The following SNTG2 variants were observed in gnomAD, a reference collection of about 807,000 sequenced individuals.
SNTG2 encodes the protein syntrophin gamma 2.
SNTG2 carries 74 observed loss-of-function variants against 70.9 expected under a neutral mutation model. That is an observed-to-expected ratio of 1.04 (90% CI 0.86 to 1.27). The LOEUF (loss-of-function observed/expected upper bound fraction) is 1.27. Ranked by LOEUF, SNTG2 falls within the 50% of genes most tolerant of loss-of-function variation. The pLI is 0.00. For synonymous variants in SNTG2, 278 were observed against 273.8 expected, an observed-to-expected ratio of 1.02 and a Z score of -0.15; for missense variants, 717 against 690.7, an observed-to-expected ratio of 1.04 and a Z score of -0.43.
chr2:1,230,305 C>T (rs374862722), intron 9 of SNTG2, among the ~76,000 whole-genome samples: 15 of 152,268 alleles, frequency 9.9e-5, no homozygotes, highest in Middle Eastern at 3.4e-3. Context: ...AAACAGATGG[C>T]GCGGGCAGCC....
At chr2:1,224,357 A>AT (rs1675614815) in intron 9 of SNTG2, among the ~76,000 whole-genome samples, 2 of 152,140 alleles carry the variant, frequency 1.3e-5, no homozygotes, top group South Asian at 2.1e-4. Flanking sequence ...ATTTAATTTC[A>AT]TTTTTTCTTC....
chr2:1,314,975 A>G (rs9752609), intron 15 of SNTG2, among the ~76,000 whole-genome samples: 7 of 152,184 alleles, frequency 4.6e-5, no homozygotes, highest in Non-Finnish European at 1.0e-4. Flanking sequence ...TAACAATTCA[A>G]GATGAGATTT....
chr2:1,085,210 C>T (rs4971433), intron 2 of SNTG2, among the ~76,000 whole-genome samples: 1 of 152,128 alleles, frequency 6.6e-6, no homozygotes, highest in African/African-American at 2.4e-5. Flanking sequence ...ATCAAGGAAG[C>T]TTTCGTAATC....
In SNTG2 at chr2:1,321,002, G is replaced by C. The variant is rs1177664102; in HGVS notation, c.1488+4627G>C. 5.3e-5 allele frequency among the ~76,000 whole-genome samples: 8 copies of C among 152,184 alleles called. No individual in the cohort carries two copies. The East Asian group carries it at 1.5e-3, about 29-fold the overall frequency. The stretch of plus-strand genomic sequence containing the variant: ...ATTCAGCATGAGGGTCAGCACATAT[G>C]TACACTTAAATGTTTTAAATGAATA... On this transcript the variant is annotated intron_variant, in intron 16 of 16. Transcript: ENST00000308624.
At chr2:1,081,928 G>A (rs936717686) in intron 1 of SNTG2, among the ~76,000 whole-genome samples, 13 of 152,258 alleles carry the variant, frequency 8.5e-5, no homozygotes, top group African/African-American at 3.1e-4. Flanking sequence ...GTGTGTGTGA[G>A]CACAGTCCTG....
chr2:1,169,303 G>A (rs542768984), intron 7 of SNTG2, among the ~76,000 whole-genome samples: 16 of 152,218 alleles, frequency 1.1e-4, no homozygotes, highest in Non-Finnish European at 2.2e-4. Flanking sequence ...CTAAGTGGGG[G>A]TGGGAGGCAG....
chr2:1,011,057 A>C (rs1029882948), intron 1 of SNTG2, among the ~76,000 whole-genome samples: 1 of 152,254 alleles, frequency 6.6e-6, no homozygotes, highest in Non-Finnish European at 1.5e-5. Flanking sequence ...GGCCTTTCTC[A>C]GTGCTCTGAT....
intron 6 of SNTG2, among the ~76,000 whole-genome samples, chr2:1,162,759 GT>G (rs1203945496): frequency 6.6e-6 from 1 of 151,370 alleles, no homozygotes; most frequent in Non-Finnish European, 1.5e-5. Context: ...AGCTTTGGTA[GT>G]TTTCTCCAGG....
chr2:1,100,399 C>T (rs1415483689), intron 4 of SNTG2, among the ~76,000 whole-genome samples: 1 of 152,224 alleles, frequency 6.6e-6, no homozygotes, highest in Non-Finnish European at 1.5e-5. Context: ...CCTGCCTCCG[C>T]CTCCCAAAGT....
chr2:1,228,288 T>C (rs1453165568), intron 9 of SNTG2, among the ~76,000 whole-genome samples: 6 of 152,240 alleles, frequency 3.9e-5, no homozygotes, highest in Non-Finnish European at 8.8e-5. Context: ...TATGGTTCTC[T>C]TAGGATCAGA....
intron 2 of SNTG2, among the ~76,000 whole-genome samples, chr2:1,090,257 G>A (rs1266161332): frequency 1.3e-5 from 2 of 152,102 alleles, no homozygotes; most frequent in Non-Finnish European, 2.9e-5. Context: ...ATTCTTAGTT[G>A]GATGTAAGTC....
At chr2:1,338,588 T>C (rs1460082217) in intron 16 of SNTG2, among the ~76,000 whole-genome samples, 1 of 152,206 alleles carries the variant, frequency 6.6e-6, no homozygotes, top group African/African-American at 2.4e-5. Flanking sequence ...ATGAATTTGC[T>C]TTTTCTAGGT....
chr2:1,075,619 AT>A (rs1223335157), intron 1 of SNTG2, among the ~76,000 whole-genome samples: 1 of 152,084 alleles, frequency 6.6e-6, no homozygotes, highest in Non-Finnish European at 1.5e-5. Context: ...TTTTCTTCTT[AT>A]CCGAATTGTT....
At chr2:1,360,655 A>AC (rs1009023580) in intron 16 of SNTG2, among the ~76,000 whole-genome samples, 33 of 151,546 alleles carry the variant, frequency 2.2e-4, no homozygotes, top group South Asian at 6.3e-4. Context: ...AACAAACAAA[A>AC]AAAAAGTCTG....
chr2:1,183,071 C>T (rs1437065996), intron 8 of SNTG2, among the ~76,000 whole-genome samples: 2 of 152,128 alleles, frequency 1.3e-5, no homozygotes, highest in Non-Finnish European at 2.9e-5. Flanking sequence ...CTATTTTGAC[C>T]TCTATAACCA....
intron 16 of SNTG2, among the ~76,000 whole-genome samples, chr2:1,320,741 A>G (rs951463589): frequency 2.6e-5 from 4 of 152,018 alleles, no homozygotes; most frequent in Non-Finnish European, 5.9e-5. Context: ...TTGAATGAAG[A>G]ATTTACTTCC....
In SNTG2 at chr2:1,044,715, C is replaced by A. The variant is rs187148512; in HGVS notation, c.73-38803C>A. On this transcript the variant is annotated intron_variant, in intron 1 of 16. Coordinates refer to ENST00000308624, the MANE Select transcript of SNTG2 (RefSeq NM_018968.4). ...ATCGATTTATTTGCATATGTTGAAC[C>A]AACCTTGCATCCCAGGGATAAAGCC... 1.4e-3 allele frequency among the ~76,000 whole-genome samples: 214 copies of A among 152,216 alleles called. No individual in the cohort carries two copies. The Middle Eastern group carries it at 0.017, about 12-fold the overall frequency.
chr2:1,287,606 C>T (rs116209570), intron 14 of SNTG2, among the ~76,000 whole-genome samples: 3,119 of 152,284 alleles, frequency 0.02, 53 homozygotes, highest in Non-Finnish European at 0.033. Flanking sequence ...GGCAGAGTGA[C>T]GGCGGAACGT....
chr2:986,067 T>TAGAGAG (rs10633277), intron 1 of SNTG2, among the ~76,000 whole-genome samples: 18,667 of 129,446 alleles, frequency 0.14, 1,673 homozygotes, highest in East Asian at 0.17. Context: ...CTGCAAATAA[T>TAGAGAG]AGAGAGAGAG....
Sources: allele counts gnomAD v4.1 joint callset (sites outside exome capture counted in the v4.1 genomes callset), GRCh38; gene constraint gnomAD v4.1.1; transcripts MANE v1.5; gene names NCBI Gene and HGNC (gene_info 2026-07-23, HGNC 2026-07-21).